The following CHST9 variants were observed in gnomAD, a reference collection of about 807,000 sequenced individuals.
CHST9 encodes the protein GalNAc-4-sulfotransferase 2.
In CHST9, 41 loss-of-function variants were observed where a neutral mutation model predicts 44.4. That is an observed-to-expected ratio of 0.92 (90% confidence interval 0.72 to 1.20). The LOEUF (loss-of-function observed/expected upper bound fraction) is 1.20. Ranked by LOEUF, CHST9 falls within the 50% of genes most tolerant of loss-of-function variation. The pLI is 0.00. For missense variants in CHST9, 504 were observed against 516.5 expected, an observed-to-expected ratio of 0.98 and a Z score of 0.23; for synonymous variants, 171 against 178.4, an observed-to-expected ratio of 0.96 and a Z score of 0.33.
At chr18:27,026,564 T>C (rs2057287315) in intron 3 of CHST9, among the ~76,000 whole-genome samples, 1 of 152,232 alleles carries the variant, frequency 6.6e-6, no homozygotes, top group South Asian at 2.1e-4. Flanking sequence ...GCTTTAACTA[T>C]ATCTTTTAAA....
chr18:27,087,035 A>C lies in CHST9; in HGVS notation c.122-38532T>G, dbSNP rs560408679. 2.0e-5 allele frequency among the ~76,000 whole-genome samples: 3 copies of C among 152,306 alleles called. No homozygotes were observed. In the South Asian group the frequency reaches 6.2e-4, roughly 32 times the overall value. The stretch of plus-strand genomic sequence containing the variant: ...TTTATGTATAGACATATGAAGCAAG[A>C]ATTGAAGTGTGTGTTATACTGTCTT... On this transcript the variant is annotated intron_variant, in intron 2 of 5. Transcript: ENST00000618847.
At chr18:27,102,750 CAGT>C (rs1251173952) in intron 2 of CHST9, among the ~76,000 whole-genome samples, 1 of 152,162 alleles carries the variant, frequency 6.6e-6, no homozygotes, top group Non-Finnish European at 1.5e-5. Flanking sequence ...TTCTCAACTA[CAGT>C]ATTCATTCCT....
intron 5 of CHST9, among the ~76,000 whole-genome samples, chr18:26,919,140 C>T (rs1819458504): frequency 6.6e-6 from 1 of 152,128 alleles, no homozygotes; most frequent in South Asian, 2.1e-4. Flanking sequence ...ATTCAATTAC[C>T]TCCCACCTGG....
At chr18:27,106,197 C>A (rs945339521) in intron 2 of CHST9, among the ~76,000 whole-genome samples, 1 of 152,074 alleles carries the variant, frequency 6.6e-6, no homozygotes, top group Non-Finnish European at 1.5e-5. Flanking sequence ...TCATCCAGAC[C>A]ATTAATTGAA....
intron 4 of CHST9, among the ~76,000 whole-genome samples, chr18:26,975,725 G>GTATA (rs59671204): frequency 0.032 from 3,261 of 101,122 alleles, 65 homozygotes; most frequent in South Asian, 0.049. Flanking sequence ...GTGTGTGTGT[G>GTATA]TATATATATA....
At chr18:26,971,060 A>T (rs2056536513) in intron 4 of CHST9, among the ~76,000 whole-genome samples, 1 of 152,100 alleles carries the variant, frequency 6.6e-6, no homozygotes, top group Non-Finnish European at 1.5e-5. Flanking sequence ...CTGAACTCTC[A>T]GGACAGTTTT....
At chr18:27,182,160 T>C (rs544656611) in intron 1 of CHST9, among the ~76,000 whole-genome samples, 2 of 152,264 alleles carry the variant, frequency 1.3e-5, no homozygotes, top group East Asian at 3.9e-4. Context: ...GAGTATTTAC[T>C]ATACATGGTG....
In CHST9 at chr18:26,912,103, TTTC is replaced by T. The variant is rs2055447555; in HGVS notation, c.*4153_*4155del. 6.6e-6 allele frequency: 1 copy of T among 152,168 alleles called. No individual in the cohort carries two copies. Among genetic ancestry groups the T allele is most frequent in the Non-Finnish European group, 1.5e-5 (1 of 68,040 alleles). The allele number at this position is 152,168 out of a possible 1,614,324, so 9.4% of individuals were successfully genotyped here. ...CTATGTGTGGAAAGTTCGCCTGAAC[TTTC>T]TTCCTCTTAGATTCTGCTTATCCTT... is the stretch of plus-strand genomic sequence containing the variant. On this transcript the variant is annotated 3_prime_UTR_variant, in exon 6 of 6. Transcript: ENST00000618847.
chr18:27,080,390 G>A (rs1405682947), intron 2 of CHST9, among the ~76,000 whole-genome samples: 1 of 151,418 alleles, frequency 6.6e-6, no homozygotes, highest in East Asian at 2.0e-4. Context: ...TTTCTTTTAG[G>A]ACATGCTCCT....
At chr18:27,161,628 C>A (rs1225343648) in intron 1 of CHST9, among the ~76,000 whole-genome samples, 1 of 152,064 alleles carries the variant, frequency 6.6e-6, no homozygotes, top group African/African-American at 2.4e-5. Context: ...CTATTAGGCC[C>A]ACTTGGTGCA....
At chr18:27,159,922 G>T (rs1052293266) in intron 1 of CHST9, among the ~76,000 whole-genome samples, 3 of 152,200 alleles carry the variant, frequency 2.0e-5, no homozygotes, top group Middle Eastern at 6.8e-3. Flanking sequence ...TCTGTTATTG[G>T]TGTATAAGAA....
At chr18:27,178,324 C>T (rs868771238) in intron 1 of CHST9, among the ~76,000 whole-genome samples, 2 of 151,826 alleles carry the variant, frequency 1.3e-5, no homozygotes, top group Non-Finnish European at 2.9e-5. Flanking sequence ...TCAAGTGCTG[C>T]GCTTACATTA....
chr18:27,069,194 T>C (rs1322831787), intron 2 of CHST9, among the ~76,000 whole-genome samples: 3 of 152,170 alleles, frequency 2.0e-5, no homozygotes, highest in African/African-American at 4.8e-5. Flanking sequence ...TATTAATAAA[T>C]TGATTTATGA....
chr18:27,138,815 C>T (rs1379628187), intron 2 of CHST9, among the ~76,000 whole-genome samples: 1 of 151,812 alleles, frequency 6.6e-6, no homozygotes, highest in Non-Finnish European at 1.5e-5. Flanking sequence ...GGTTACAAAG[C>T]TAACAAACAG....
At chr18:26,996,021 A>G (rs750748277) in intron 4 of CHST9, among the ~76,000 whole-genome samples, 9 of 152,212 alleles carry the variant, frequency 5.9e-5, no homozygotes, top group Non-Finnish European at 1.2e-4. Flanking sequence ...TGGATGATAG[A>G]GCCAGATTCT....
chr18:27,089,343 G>T, intron 2 of CHST9, among the ~76,000 whole-genome samples: 1 of 147,204 alleles, frequency 6.8e-6, no homozygotes, highest in East Asian at 2.0e-4. Flanking sequence ...GTGTCCAAGT[G>T]TTCTCATTGT....
chr18:27,082,367 ATATGGAAAAACATACAATG>A (rs1459356684), intron 2 of CHST9, among the ~76,000 whole-genome samples: 1 of 152,216 alleles, frequency 6.6e-6, no homozygotes, highest in Non-Finnish European at 1.5e-5. Context: ...GAACAATGTT[ATATGGAAAAACATACAATG>A]TACAGATTAT....
intron 2 of CHST9, among the ~76,000 whole-genome samples, chr18:27,057,577 C>T (rs191409341): frequency 2.6e-5 from 4 of 152,282 alleles, no homozygotes; most frequent in East Asian, 3.9e-4. Flanking sequence ...GTTGCTAGGA[C>T]GCTTAGGCAA....
chr18:26,973,725 A>C (rs549402194), intron 4 of CHST9, among the ~76,000 whole-genome samples: 365 of 152,326 alleles, frequency 2.4e-3, no homozygotes, highest in Middle Eastern at 3.4e-3. Flanking sequence ...TTTTGAACCC[A>C]AAAGTGGGTG....
Sources: gnomAD v4.1 joint callset for allele counts (sites outside exome capture counted in the v4.1 genomes callset) on GRCh38, gnomAD v4.1.1 for gene constraint, MANE v1.5 for transcripts, NCBI Gene and HGNC (gene_info 2026-07-23, HGNC 2026-07-21) for gene names.